The following PARPBP variants were observed in gnomAD, a reference collection of about 807,000 sequenced individuals.
PARPBP encodes the protein PCNA-interacting partner.
Under a neutral mutation model 50.0 loss-of-function variants are expected in PARPBP, and 52 were observed. The observed-to-expected ratio is 1.04, with a 90% CI of 0.83 to 1.31. PARPBP has a LOEUF of 1.31. Ranked by LOEUF, PARPBP falls within the 50% of genes most tolerant of loss-of-function variation. The probability of loss-of-function intolerance (pLI) is 0.00; values close to 1 mark genes in which losing one functional copy is unlikely to be tolerated. For synonymous variants in PARPBP, 244 were observed against 232.1 expected, an observed-to-expected ratio of 1.05 and a Z score of -0.47; for missense variants, 697 against 672.0, an observed-to-expected ratio of 1.04 and a Z score of -0.41.
intron 4 of PARPBP, among the ~76,000 whole-genome samples, chr12:102,162,478 G>T (rs898034863): frequency 3.9e-5 from 6 of 152,248 alleles, no homozygotes; most frequent in Middle Eastern, 3.4e-3. Flanking sequence ...CAGAAGGTGG[G>T]ATCGAAGTAG....
At chr12:102,195,709 A>G (rs1037637574) in intron 10 of PARPBP, among the ~76,000 whole-genome samples, 3 of 151,798 alleles carry the variant, frequency 2.0e-5, no homozygotes, top group Admixed American at 6.6e-5. Context: ...ATTCAAACAA[A>G]TATTTCTTAA....
At position 102,196,122 on chromosome 12, in the gene PARPBP, A is replaced by T; in HGVS notation, c.1571A>T (p.Asn524Ile). ...GATGGTGAAAATATTCTCTGTGATAATAGAAATGAACCACCTCAACATAAA... is the reference window on the plus strand; with the variant it reads ...GATGGTGAAAATATTCTCTGTGATATTAGAAATGAACCACCTCAACATAAA... ...DLDGENILCDNRNEPPQHKNA... is the reference protein window; with the variant it reads ...DLDGENILCDIRNEPPQHKNA... Residue 524 changes from asparagine (N) to isoleucine (I), a missense_variant, in exon 11 of 11, where the codon AAT (asparagine) becomes ATT (isoleucine). By Grantham distance (149) the Asn-to-Ile change is moderately radical. Coordinates refer to ENST00000327680, the MANE Select transcript of PARPBP (RefSeq NM_017915.5). The T allele has an allele frequency of 6.2e-7, 1 of 1,612,102 alleles. No individual in the cohort carries two copies. The highest frequency in any genetic ancestry group is 8.5e-7 in the Non-Finnish European group (1 of 1,178,658).
chr12:102,182,467 AT>A, intron 8 of PARPBP, 81 bp from the exon 9 acceptor site: 1 of 930,634 alleles, frequency 1.1e-6, no homozygotes, highest in Non-Finnish European at 1.7e-6. Context: ...TGTATTGGGA[AT>A]TAAGTTTCAA....
In PARPBP at chr12:102,153,948, C is replaced by A. The variant is rs184744827; in HGVS notation, c.467C>A (p.Thr156Lys). ...ETDLSIPTSP[T>K]SKYNRDNEKV... is the part of the protein sequence containing the mutation. ...GATCTTTCTATACCAACATCACCAACAAGTAAATACAACCGTGATAATGAA... is the reference window on the plus strand; with the variant it reads ...GATCTTTCTATACCAACATCACCAAAAAGTAAATACAACCGTGATAATGAA... The change falls in exon 4 of 11, where the codon ACA becomes AAA. Residue 156 changes from threonine to lysine, a missense_variant. Transcript: ENST00000327680. 6.3e-7 allele frequency: 1 copy of A among 1,594,200 alleles called. No individual in the cohort carries two copies. The highest frequency in any genetic ancestry group is 1.7e-5 in the Admixed American group (1 of 60,004).
intron 5 of PARPBP, 46 bp downstream of exon 5, chr12:102,164,654 G>T: frequency 6.7e-7 from 1 of 1,484,890 alleles, no homozygotes; most frequent in Non-Finnish European, 9.4e-7. Flanking sequence ...TTGCACAGTG[G>T]ATCCATGTAT....
chr12:102,182,652 A>G, intron 9 of PARPBP, 25 bp downstream of exon 9: 1 of 1,408,386 alleles, frequency 7.1e-7, no homozygotes, highest in South Asian at 1.2e-5. Context: ...ATGCCATGAA[A>G]ATAGCAAACA....
intron 2 of PARPBP, among the ~76,000 whole-genome samples, chr12:102,142,570 T>C (rs1594488662): frequency 6.6e-6 from 1 of 152,226 alleles, no homozygotes; most frequent in Non-Finnish European, 1.5e-5. Flanking sequence ...AGAGGCACTC[T>C]GCTTTTTAGA....
intron 4 of PARPBP, 79 bp downstream of exon 4, chr12:102,154,055 C>T (rs964777184): frequency 1.2e-6 from 1 of 848,168 alleles, no homozygotes. Flanking sequence ...CTTAAAGTTA[C>T]TAATGCTTTG....
intron 4 of PARPBP, among the ~76,000 whole-genome samples, chr12:102,154,474 T>G (rs1886617655): frequency 6.6e-6 from 1 of 152,178 alleles, no homozygotes; most frequent in Non-Finnish European, 1.5e-5. Context: ...GCTGGGTACC[T>G]AAACATATAT....
At chr12:102,153,200 C>A (rs766898583) in intron 3 of PARPBP, among the ~76,000 whole-genome samples, 3 of 152,176 alleles carry the variant, frequency 2.0e-5, no homozygotes, top group Non-Finnish European at 4.4e-5. Context: ...CCTATGATAT[C>A]ATCTCTGCCT....
rs73384855 is a variant in PARPBP, at chr12:102,162,966, A to C, written c.496-1472A>C. 3.2e-3 allele frequency among the ~76,000 whole-genome samples: 481 copies of C among 152,196 alleles called. 2 individuals are homozygous for C. The highest frequency in any genetic ancestry group is 0.011 in the African/African-American group (448 of 41,508). On this transcript the variant is annotated intron_variant, in intron 4 of 10. Coordinates refer to ENST00000327680, the MANE Select transcript of PARPBP (RefSeq NM_017915.5). ...AAGATTTTCTATTATGTTTTCTTTT[A>C]AAAGTTTAATAGTTTATGTTGTACA... is the stretch of plus-strand genomic sequence containing the variant.
intron 2 of PARPBP, among the ~76,000 whole-genome samples, chr12:102,124,300 G>A (rs1298003044): frequency 6.6e-6 from 1 of 152,040 alleles, no homozygotes; most frequent in Non-Finnish European, 1.5e-5. Flanking sequence ...GGAAGATTTA[G>A]GATAAACATG....
intron 4 of PARPBP, among the ~76,000 whole-genome samples, chr12:102,163,034 G>A (rs1012878381): frequency 7.9e-5 from 12 of 152,086 alleles, no homozygotes; most frequent in African/African-American, 2.9e-4. Context: ...TTTATAAAAG[G>A]TGTGAAGTTT....
chr12:102,133,874 C>T (rs763196418), intron 2 of PARPBP, among the ~76,000 whole-genome samples: 8 of 151,700 alleles, frequency 5.3e-5, no homozygotes, highest in South Asian at 4.2e-4. Flanking sequence ...AATTAACCAA[C>T]GGTTCGAAGA....
chr12:102,124,479 G>A lies in PARPBP; in HGVS notation c.153+438G>A, dbSNP rs139554497. Among the ~76,000 whole-genome samples the A allele has an allele frequency of 3.0e-3, 460 of 152,280 alleles. 1 individual carries two copies. Among genetic ancestry groups the A allele is most frequent in the Non-Finnish European group, 4.5e-3 (307 of 68,004 alleles). ...ATTTCCACAAAGTGATTCTTACTTA[G>A]GTAGCTTGAGCCAAACTAGCGTTTG... On this transcript the variant is annotated intron_variant, in intron 2 of 10. Coordinates refer to ENST00000327680, the MANE Select transcript of PARPBP (RefSeq NM_017915.5).
chr12:102,167,945 C>T (rs186286511), intron 6 of PARPBP, among the ~76,000 whole-genome samples: 52 of 152,256 alleles, frequency 3.4e-4, no homozygotes, highest in African/African-American at 1.0e-3. Flanking sequence ...TTTACATAGC[C>T]ATCAGTATTG....
In PARPBP at chr12:102,164,422, A is replaced by C. The variant is rs1211478464; in HGVS notation, c.496-16A>C. The C allele has an allele frequency of 3.8e-6, 6 of 1,585,054 alleles. No homozygotes were observed. The Admixed American group carries it at 5.1e-5, about 13-fold the overall frequency. ...GAACTGCAATAAAGAAATTAACTGA[A>C]TATTTTATTGCACAGGTGCAGCTGC... On this transcript the variant is annotated splice_polypyrimidine_tract_variant and intron_variant, in intron 4 of 10. Coordinates refer to ENST00000327680, the MANE Select transcript of PARPBP (RefSeq NM_017915.5).
chr12:102,149,886 T>C (rs532153499), intron 3 of PARPBP, among the ~76,000 whole-genome samples: 2 of 152,206 alleles, frequency 1.3e-5, no homozygotes, highest in Non-Finnish European at 2.9e-5. Flanking sequence ...ACAGAGATGA[T>C]TTTTGTCTAT....
At chr12:102,151,569 G>T in intron 3 of PARPBP, 3 of 1,534,764 alleles carry the variant, frequency 2.0e-6, no homozygotes, top group Non-Finnish European at 2.6e-6. Context: ...CTACCTGGCA[G>T]GGGTCAACTA....
Sources: gnomAD v4.1 joint callset for allele counts (sites outside exome capture counted in the v4.1 genomes callset) on GRCh38, gnomAD v4.1.1 for gene constraint, MANE v1.5 for transcripts, NCBI Gene and HGNC (gene_info 2026-07-23, HGNC 2026-07-21) for gene names.